CGNL1: variants seen among roughly 807,000 people sequenced by gnomAD.
CGNL1 encodes cingulin like 1, also known as cingulin-like protein 1.
In CGNL1, 132 loss-of-function variants were observed where a neutral mutation model predicts 141.2. That is an observed-to-expected ratio of 0.93 (90% CI 0.81 to 1.08). The LOEUF is 1.08. CGNL1 is among the 50% of genes least tolerant of loss of function. The pLI, the probability that CGNL1 is intolerant of heterozygous loss-of-function variation, is 0.00. For synonymous variants in CGNL1, 690 were observed against 622.1 expected (o/e 1.11, Z -1.63); for missense variants, 1,870 against 1,588.6 (o/e 1.18, Z -3.01).
At chr15:57,410,529 C>T (rs1017256663) in intron 1 of CGNL1, among the ~76,000 whole-genome samples, 2 of 152,110 alleles carry the variant, frequency 1.3e-5, no homozygotes, top group Admixed American at 1.3e-4. Flanking sequence ...GGAAGCTTTC[C>T]CATCACCACC....
At chr15:57,442,725 C>T (rs559237667) in intron 4 of CGNL1, among the ~76,000 whole-genome samples, 1 of 152,152 alleles carries the variant, frequency 6.6e-6, no homozygotes, top group Admixed American at 6.5e-5. Flanking sequence ...CTCAAGCCAT[C>T]CTCCTACCTC....
chr15:57,474,822 T>C (rs2063630888), intron 8 of CGNL1, among the ~76,000 whole-genome samples: 1 of 152,210 alleles, frequency 6.6e-6, no homozygotes, highest in Non-Finnish European at 1.5e-5. Context: ...AGGAAAACTT[T>C]CAAAAAACAG....
intron 8 of CGNL1, among the ~76,000 whole-genome samples, chr15:57,504,386 T>C (rs2064071309): frequency 6.6e-6 from 1 of 152,236 alleles, no homozygotes; most frequent in Non-Finnish European, 1.5e-5. Context: ...GCCCAGGCTC[T>C]TTCCTTGTTA....
chr15:57,505,091 G>A (rs931984611), intron 8 of CGNL1, among the ~76,000 whole-genome samples: 33 of 152,114 alleles, frequency 2.2e-4, no homozygotes, highest in African/African-American at 7.7e-4. Context: ...CTTGCCAACA[G>A]CATGGCTGGG....
intron 1 of CGNL1, among the ~76,000 whole-genome samples, chr15:57,401,336 A>G (rs1440187706): frequency 6.6e-6 from 1 of 152,236 alleles, no homozygotes; most frequent in African/African-American, 2.4e-5. Flanking sequence ...CGGTGTATAC[A>G]TTGAGCCAGT....
At chr15:57,452,673 A>C (rs1018325496) in intron 6 of CGNL1, among the ~76,000 whole-genome samples, 1 of 146,256 alleles carries the variant, frequency 6.8e-6, no homozygotes, top group East Asian at 2.0e-4. Flanking sequence ...CAGCCTGTGC[A>C]TTTTATCCTC....
intron 8 of CGNL1, among the ~76,000 whole-genome samples, chr15:57,504,524 G>T (rs1278018640): frequency 2.0e-5 from 3 of 152,230 alleles, no homozygotes; most frequent in African/African-American, 7.2e-5. Context: ...TAGGCTAGAT[G>T]ATGTTGCAGT....
intron 7 of CGNL1, among the ~76,000 whole-genome samples, chr15:57,458,598 T>A (rs758749745): frequency 6.6e-6 from 1 of 152,022 alleles, no homozygotes; most frequent in Non-Finnish European, 1.5e-5. Context: ...ATCCAAACAA[T>A]TGAGAAACGT....
intron 8 of CGNL1, among the ~76,000 whole-genome samples, chr15:57,500,346 T>A (rs2064005817): frequency 6.6e-6 from 1 of 152,144 alleles, no homozygotes; most frequent in Non-Finnish European, 1.5e-5. Context: ...GGGAGAGGAA[T>A]TACTTACGTT....
At chr15:57,442,576 G>T in intron 4 of CGNL1, 98 bp downstream of exon 4, 1 of 716,754 alleles carries the variant, frequency 1.4e-6, no homozygotes, top group Non-Finnish European at 2.4e-6. Context: ...ATAGCAGTAA[G>T]TGGGAAGTTG....
intron 4 of CGNL1, among the ~76,000 whole-genome samples, chr15:57,450,375 C>T (rs1182406377): frequency 1.3e-5 from 2 of 152,180 alleles, no homozygotes; most frequent in Non-Finnish European, 2.9e-5. Context: ...TTCGTGGGTT[C>T]AAGCGATTCT....
At chr15:57,390,714 C>G (rs571976445) in intron 1 of CGNL1, among the ~76,000 whole-genome samples, 1 of 152,078 alleles carries the variant, frequency 6.6e-6, no homozygotes, top group Non-Finnish European at 1.5e-5. Context: ...CCTGTACATT[C>G]GCTGGCATGC....
At chr15:57,390,387 G>C (rs1706391) in intron 1 of CGNL1, among the ~76,000 whole-genome samples, 136,321 of 152,274 alleles carry the variant, frequency 0.9, 61,497 homozygotes, top group East Asian at 1. Context: ...TGGTCTATAA[G>C]CAGCCCACTG....
intron 1 of CGNL1, among the ~76,000 whole-genome samples, chr15:57,411,589 G>A (rs1438704327): frequency 6.6e-6 from 1 of 151,762 alleles, no homozygotes; most frequent in East Asian, 1.9e-4. Flanking sequence ...GATTACAGGT[G>A]TCCGCCACCA....
chr15:57,468,679 G>A (rs1453474479), intron 8 of CGNL1, among the ~76,000 whole-genome samples: 2 of 152,020 alleles, frequency 1.3e-5, no homozygotes, highest in South Asian at 2.1e-4. Flanking sequence ...CAGTGAGGGA[G>A]CAATGATGTT....
chr15:57,489,660 A>G (rs2063831527), intron 8 of CGNL1, among the ~76,000 whole-genome samples: 1 of 152,186 alleles, frequency 6.6e-6, no homozygotes, highest in African/African-American at 2.4e-5. Context: ...TGTTGGTTGA[A>G]GAGACGATTC....
intron 8 of CGNL1, among the ~76,000 whole-genome samples, chr15:57,475,741 T>G (rs2063647362): frequency 6.6e-6 from 1 of 152,128 alleles, no homozygotes; most frequent in African/African-American, 2.4e-5. Context: ...TCCTGTGCTC[T>G]CTCACTGGAT....
intron 1 of CGNL1, chr15:57,396,846 C>G (rs1423453847): frequency 6.6e-6 from 1 of 152,082 alleles, no homozygotes; most frequent in Admixed American, 6.6e-5. Context: ...ACAATTTTAA[C>G]AATTATAGCG....
At chr15:57,496,839 T>G (rs1395401251) in intron 8 of CGNL1, among the ~76,000 whole-genome samples, 1 of 152,056 alleles carries the variant, frequency 6.6e-6, no homozygotes, top group Non-Finnish European at 1.5e-5. Context: ...GAGGGTGAAA[T>G]GAGCCCATAC....
Sources: allele counts gnomAD v4.1 joint callset (sites outside exome capture counted in the v4.1 genomes callset), GRCh38; gene constraint gnomAD v4.1.1; transcripts MANE v1.5; gene names NCBI Gene and HGNC (gene_info 2026-07-23, HGNC 2026-07-21).